The following DOCK8 variants were observed in gnomAD, a reference collection of about 807,000 sequenced individuals.
DOCK8 encodes the protein dedicator of cytokinesis protein 8.
In DOCK8, 141 loss-of-function variants were observed where a neutral mutation model predicts 245.6. The observed-to-expected ratio is 0.57, with a 90% CI of 0.50 to 0.66. DOCK8 has a LOEUF of 0.66. DOCK8 is among the 30% of genes least tolerant of loss of function. The probability of loss-of-function intolerance (pLI) is 0.00; values close to 1 mark genes in which losing one functional copy is unlikely to be tolerated. For missense variants in DOCK8, 2,965 were observed against 2,603.4 expected (o/e 1.14, Z -3.02); for synonymous variants, 1,168 against 970.2 (o/e 1.20, Z -3.79).
intron 2 of DOCK8, among the ~76,000 whole-genome samples, chr9:274,426 T>C (rs1232851101): frequency 1.3e-5 from 2 of 152,018 alleles, no homozygotes; most frequent in African/African-American, 4.8e-5. Context: ...TCCTTCTACC[T>C]GGAGAACGGA....
intron 14 of DOCK8, among the ~76,000 whole-genome samples, chr9:352,135 C>T (rs1027829952): frequency 4.6e-5 from 7 of 152,144 alleles, no homozygotes; most frequent in African/African-American, 9.6e-5. Flanking sequence ...AGGCATGGTG[C>T]GGGTAGCTGC....
intron 14 of DOCK8, among the ~76,000 whole-genome samples, chr9:357,807 CTGG>C (rs2052518009): frequency 6.6e-6 from 1 of 152,222 alleles, no homozygotes; most frequent in South Asian, 2.1e-4. Flanking sequence ...GGGGCTCTGA[CTGG>C]TGCCCTGGAA....
intron 1 of DOCK8, among the ~76,000 whole-genome samples, chr9:227,594 T>A (rs1447219473): frequency 1.3e-5 from 2 of 152,168 alleles, no homozygotes; most frequent in African/African-American, 4.8e-5. Context: ...GATTTTTGAA[T>A]TGTTTGTTAT....
intron 5 of DOCK8, among the ~76,000 whole-genome samples, chr9:306,079 A>G (rs914536654): frequency 5.3e-5 from 8 of 152,190 alleles, no homozygotes; most frequent in Admixed American, 5.2e-4. Flanking sequence ...CATTTTATAG[A>G]TGAGAAAAAT....
chr9:430,041 T>C (rs2056652657), intron 36 of DOCK8, among the ~76,000 whole-genome samples, 187 bp downstream of exon 36: 2 of 152,238 alleles, frequency 1.3e-5, no homozygotes, highest in African/African-American at 2.4e-5. Flanking sequence ...AGTGAATTCA[T>C]CAGATAAATG....
intron 25 of DOCK8, among the ~76,000 whole-genome samples, chr9:398,664 G>A (rs2054580405): frequency 1.3e-5 from 2 of 152,136 alleles, no homozygotes; most frequent in Non-Finnish European, 2.9e-5. Context: ...TGGAAATGCT[G>A]CCTAATTGAG....
At chr9:454,906 G>A (rs2057586410) in intron 46 of DOCK8, among the ~76,000 whole-genome samples, 1 of 152,120 alleles carries the variant, frequency 6.6e-6, no homozygotes, top group African/African-American at 2.4e-5. Context: ...CTAGTCCCAG[G>A]CAAGAGATAC....
intron 1 of DOCK8, among the ~76,000 whole-genome samples, chr9:234,958 A>T (rs1307259736): frequency 6.6e-6 from 1 of 152,172 alleles, no homozygotes; most frequent in East Asian, 1.9e-4. Flanking sequence ...GTTCCTTTGC[A>T]GGAGGAGAGG....
At chr9:441,475 A>G in intron 41 of DOCK8, 58 bp downstream of exon 41, 3 of 1,612,184 alleles carry the variant, frequency 1.9e-6, no homozygotes, top group Admixed American at 1.7e-5. Flanking sequence ...ACCCTGTCCT[A>G]CAGATGCTTA....
chr9:457,298 T>A (rs917660142), intron 46 of DOCK8, among the ~76,000 whole-genome samples: 7 of 152,196 alleles, frequency 4.6e-5, no homozygotes, highest in African/African-American at 1.7e-4. Context: ...CCCTGAGAAG[T>A]TACCTACCCT....
Position 420,400 on chromosome 9 carries a change from G to C in DOCK8, c.3841-1G>C, listed in dbSNP as rs1486452597. ...CCATCCCCCAATCTGCCTCCCTTCA[G>C]CCCTATAAGCAGTACAACATGCTGA... On this transcript the variant is annotated splice_acceptor_variant, in intron 30 of 47. Coordinates refer to ENST00000432829, the MANE Select transcript of DOCK8 (RefSeq NM_203447.4). LOFTEE classifies it high-confidence loss of function. 1 of 1,614,060 alleles carries C rather than the reference G, an allele frequency of 6.2e-7. No homozygotes were observed. Among genetic ancestry groups the C allele is most frequent in the Admixed American group, 1.7e-5 (1 of 60,022 alleles).
chr9:378,883 CACAG>C (rs2053624238), intron 20 of DOCK8, among the ~76,000 whole-genome samples: 1 of 152,222 alleles, frequency 6.6e-6, no homozygotes, highest in African/African-American at 2.4e-5. Flanking sequence ...TTCCAGCTTT[CACAG>C]ACAGACAGTT....
chr9:418,960 C>T (rs963439117), intron 30 of DOCK8, among the ~76,000 whole-genome samples: 1 of 152,078 alleles, frequency 6.6e-6, no homozygotes, highest in East Asian at 1.9e-4. Flanking sequence ...TTTTCTAGGA[C>T]CCCAGGGAGC....
In DOCK8 at chr9:446,427, A is replaced by T. The variant is rs761213222; in HGVS notation, c.5638A>T (p.Arg1880Trp). The T allele has an allele frequency of 6.2e-7, 1 of 1,614,206 alleles. No homozygotes were observed. The highest frequency in any genetic ancestry group is 1.1e-5 in the South Asian group (1 of 91,082). Residue 1880 changes from arginine (R) to tryptophan (W), a missense_variant, in exon 44 of 48, where the codon AGG (arginine) becomes TGG (tryptophan). Physicochemically the swap from Arg to Trp is moderately radical, Grantham distance 101. This residue lies in a region of DOCK8 where 2,825 missense variants were observed against 2,453.5 expected (regional missense o/e 1.15). Coordinates refer to ENST00000432829, the MANE Select transcript of DOCK8 (RefSeq NM_203447.4). ...CTTTGATGAGTATGAGATGAAAGAC[A>T]GGGTCACATACTTTGAGAAGAATTT... is the stretch of plus-strand genomic sequence containing the variant. ...PYFDEYEMKD[R>W]VTYFEKNFNL...
At chr9:332,856 C>T (rs754926427) in intron 10 of DOCK8, among the ~76,000 whole-genome samples, 5 of 151,902 alleles carry the variant, frequency 3.3e-5, no homozygotes, top group Admixed American at 6.6e-5. Context: ...TGGGGTCTCA[C>T]TGTGTTGCCC....
At chr9:259,299 C>G (rs1297588889) in intron 1 of DOCK8, among the ~76,000 whole-genome samples, 1 of 151,840 alleles carries the variant, frequency 6.6e-6, no homozygotes. Context: ...AAGACCCTGT[C>G]TCAAAAAAGA....
intron 19 of DOCK8, 28 bp from the exon 20 acceptor site, chr9:376,949 C>A: frequency 2.5e-6 from 4 of 1,598,688 alleles, no homozygotes; most frequent in East Asian, 2.3e-5. Flanking sequence ...GTATAAAACC[C>A]CATGAGGCCT....
chr9:335,766 A>G (rs937477860), intron 11 of DOCK8, among the ~76,000 whole-genome samples: 7 of 152,252 alleles, frequency 4.6e-5, no homozygotes, highest in African/African-American at 1.7e-4. Context: ...AGAAGATGCA[A>G]AGATGTCATG....
intron 44 of DOCK8, 149 bp downstream of exon 44, chr9:446,755 T>C (rs2057276158): frequency 2.7e-6 from 2 of 731,170 alleles, no homozygotes; most frequent in Non-Finnish European, 4.8e-6. Flanking sequence ...TTCACTCTCA[T>C]AGTGCCAGAA....
Sources: allele counts gnomAD v4.1 joint callset (sites outside exome capture counted in the v4.1 genomes callset), GRCh38; gene constraint gnomAD v4.1.1; regional missense constraint gnomAD v4.1.1; transcripts MANE v1.5; gene names NCBI Gene and HGNC (gene_info 2026-07-23, HGNC 2026-07-21).